The following MIS18BP1 variants were observed in gnomAD, a reference collection of about 807,000 sequenced individuals.
MIS18BP1 encodes the protein mis18-binding protein 1.
Under a neutral mutation model 116.1 loss-of-function variants are expected in MIS18BP1, and 72 were observed. The observed-to-expected ratio is 0.62, with a 90% CI of 0.51 to 0.75. The LOEUF (loss-of-function observed/expected upper bound fraction) is 0.75. Among genes scored for constraint, MIS18BP1 ranks in the 30% least tolerant of loss-of-function variants. MIS18BP1 has a pLI of 0.00. For synonymous variants in MIS18BP1, 386 were observed against 427.0 expected, an observed-to-expected ratio of 0.90 and a Z score of 1.18; for missense variants, 1,363 against 1,303.2, an observed-to-expected ratio of 1.05 and a Z score of -0.71.
At chr14:45,212,029 G>C (rs887840121) in intron 13 of MIS18BP1, among the ~76,000 whole-genome samples, 1 of 152,120 alleles carries the variant, frequency 6.6e-6, no homozygotes, top group African/African-American at 2.4e-5. Flanking sequence ...TTAGCTGTTG[G>C]TGTCACCATT....
chr14:45,235,051 C>CA (rs1357659068), intron 6 of MIS18BP1, among the ~76,000 whole-genome samples: 2 of 151,892 alleles, frequency 1.3e-5, no homozygotes, highest in Non-Finnish European at 2.9e-5. Context: ...CACCCTGTCT[C>CA]AAAAATCAGC....
At chr14:45,233,184 G>A (rs945229768) in intron 6 of MIS18BP1, among the ~76,000 whole-genome samples, 5 of 152,126 alleles carry the variant, frequency 3.3e-5, no homozygotes, top group Non-Finnish European at 4.4e-5. Flanking sequence ...TGAACAAAGT[G>A]ATTGAGCTAT....
intron 7 of MIS18BP1, chr14:45,232,532 T>C (rs1228824698): frequency 1.9e-6 from 1 of 532,612 alleles, no homozygotes; most frequent in South Asian, 2.0e-5. Flanking sequence ...CAGTGGCTCA[T>C]GCCTGTAATC....
intron 2 of MIS18BP1, among the ~76,000 whole-genome samples, chr14:45,243,378 C>T (rs1891637401): frequency 6.6e-6 from 1 of 152,070 alleles, no homozygotes; most frequent in Non-Finnish European, 1.5e-5. Flanking sequence ...ATCCTTTAGA[C>T]AATTTTTAGT....
At chr14:45,241,922 T>A in intron 4 of MIS18BP1, 112 bp downstream of exon 4, 1 of 1,158,702 alleles carries the variant, frequency 8.6e-7, no homozygotes, top group Non-Finnish European at 1.2e-6. Flanking sequence ...TAATGAAGCA[T>A]ACAGGTTCAA....
In MIS18BP1 at chr14:45,246,911, T is replaced by C; in HGVS notation, c.376A>G (p.Lys126Glu). 1 of 1,607,868 alleles carries C rather than the reference T, an allele frequency of 6.2e-7. No homozygotes were observed. The highest frequency in any genetic ancestry group is 8.5e-7 in the Non-Finnish European group (1 of 1,178,656). The change falls in exon 2 of 17, where the codon AAG becomes GAG. Residue 126 changes from lysine (K) to glutamate (E), a missense_variant. Physicochemically the swap from Lys to Glu is moderately conservative, Grantham distance 56. Transcript: ENST00000310806. Reference protein sequence around the residue: ...LRMKEKVLRDKQEQPSRNSSL... With the variant: ...LRMKEKVLRDEQEQPSRNSSL... ...CTGTTTCTTGATGGCTGTTCTTGCT[T>C]GTCACGCAGTACTTTTTCTTTCATT...
rs374822790 is a variant in MIS18BP1 at position 45,242,823 on chromosome 14, G to A, written c.596C>T (p.Pro199Leu). Residue 199 changes from proline (P) to leucine (L), a missense_variant, in exon 3 of 17, where the codon CCG becomes CTG. Coordinates refer to ENST00000310806, the MANE Select transcript of MIS18BP1 (RefSeq NM_018353.5). Reference sequence around the variant, plus strand: ...CTGGCACTGAATCTTTTGTTTGACCGGGAGGAAAATATCATTATTTGATGA... The same window carrying A: ...CTGGCACTGAATCTTTTGTTTGACCAGGAGGAAAATATCATTATTTGATGA... ...LESSNNDIFL[P>L]VKQKIQCQQE... The A allele has an allele frequency of 2.0e-5, 33 of 1,613,230 alleles. No homozygotes were observed. The highest frequency in any genetic ancestry group is 4.4e-5 in the South Asian group (4 of 91,036).
At chr14:45,247,404 T>C (rs1891752974) in intron 1 of MIS18BP1, 27 bp from the exon 2 acceptor site, 1 of 774,888 alleles carries the variant, frequency 1.3e-6, no homozygotes, top group Non-Finnish European at 2.0e-6. Flanking sequence ...AATCAGCCTT[T>C]ATCATGCTTT....
chr14:45,236,996 C>A lies in MIS18BP1; in HGVS notation c.1217+652G>T, dbSNP rs564075822. Among the ~76,000 whole-genome samples the A allele has an allele frequency of 1.3e-5, 2 of 150,892 alleles. 1 individual carries two copies. Among genetic ancestry groups the A allele is most frequent in the African/African-American group, 4.9e-5 (2 of 40,978 alleles). ...TCACTTATAAACTTACATATGAGTA[C>A]CTTAAACAGTTATAACTTTTTTTTT... On this transcript the variant is annotated intron_variant, in intron 5 of 16. Transcript: ENST00000310806.
chr14:45,248,480 A>T (rs1264086834), intron 1 of MIS18BP1, among the ~76,000 whole-genome samples: 1 of 152,164 alleles, frequency 6.6e-6, no homozygotes, highest in Non-Finnish European at 1.5e-5. Flanking sequence ...AAACATTTCA[A>T]TCCAAGGAGC....
chr14:45,210,883 T>A (rs1297708801), intron 13 of MIS18BP1, among the ~76,000 whole-genome samples: 1 of 152,184 alleles, frequency 6.6e-6, no homozygotes, highest in Non-Finnish European at 1.5e-5. Flanking sequence ...ACCCTGGGTC[T>A]GGGGGGATAA....
chr14:45,242,767 T>C lies in MIS18BP1; in HGVS notation c.652A>G (p.Thr218Ala). Reference sequence around the variant, plus strand: ...CAAACCAAAAATAGTTTACCGTAAGTTAAATTGTGCAGTGGTGCTTTCTTT... The same window carrying C: ...CAAACCAAAAATAGTTTACCGTAAGCTAAATTGTGCAGTGGTGCTTTCTTT... Reference protein sequence around the residue: ...QEKKAPLHNLTYELPTLNQEQ... With the variant: ...QEKKAPLHNLAYELPTLNQEQ... The change falls in exon 3 of 17, where the codon ACT becomes GCT. Residue 218 changes from threonine (T) to alanine (A), a missense_variant. Physicochemically the swap from Thr to Ala is moderately conservative, Grantham distance 58. Coordinates refer to ENST00000310806, the MANE Select transcript of MIS18BP1 (RefSeq NM_018353.5). 3 of 1,602,402 alleles carry C rather than the reference T, an allele frequency of 1.9e-6. No individual in the cohort carries two copies. Among genetic ancestry groups the C allele is most frequent in the Non-Finnish European group, 2.6e-6 (3 of 1,175,634 alleles).
intron 7 of MIS18BP1, among the ~76,000 whole-genome samples, chr14:45,232,159 A>G (rs542851129): frequency 2.2e-4 from 34 of 152,172 alleles, no homozygotes; most frequent in East Asian, 5.8e-4. Context: ...TCTCACGCCT[A>G]TAATCCCAGC....
chr14:45,220,216 G>A (rs906738980), intron 11 of MIS18BP1, among the ~76,000 whole-genome samples: 1 of 151,912 alleles, frequency 6.6e-6, no homozygotes, highest in Non-Finnish European at 1.5e-5. Flanking sequence ...CCCTGACTCC[G>A]CCTCCTTAGT....
intron 1 of MIS18BP1, among the ~76,000 whole-genome samples, chr14:45,249,374 C>G (rs116439360): frequency 0.015 from 2,208 of 152,030 alleles, 56 homozygotes; most frequent in African/African-American, 0.051. Flanking sequence ...GCATGAGCCA[C>G]CTGAGTTATG....
intron 8 of MIS18BP1, among the ~76,000 whole-genome samples, chr14:45,229,898 A>G (rs1891228863): frequency 6.6e-6 from 1 of 152,204 alleles, no homozygotes; most frequent in Non-Finnish European, 1.5e-5. Context: ...TAAAAAGAGG[A>G]AGGGTTGAGA....
At chr14:45,233,141 A>C (rs1410578054) in intron 6 of MIS18BP1, among the ~76,000 whole-genome samples, 1 of 152,180 alleles carries the variant, frequency 6.6e-6, no homozygotes, top group Non-Finnish European at 1.5e-5. Flanking sequence ...AAAAAAGGAT[A>C]ATCAGGGAAG....
chr14:45,251,729 T>C (rs567095548), intron 1 of MIS18BP1, among the ~76,000 whole-genome samples: 1 of 152,084 alleles, frequency 6.6e-6, no homozygotes, highest in African/African-American at 2.4e-5. Context: ...CAGAAAATGG[T>C]CATGGGACAT....
At chr14:45,234,287 T>G (rs1410877954) in intron 6 of MIS18BP1, among the ~76,000 whole-genome samples, 2 of 150,784 alleles carry the variant, frequency 1.3e-5, no homozygotes, top group Non-Finnish European at 3.0e-5. Flanking sequence ...ACAAACTATA[T>G]GAATTGTTTT....
Sources: gnomAD v4.1 joint callset for allele counts (sites outside exome capture counted in the v4.1 genomes callset) on GRCh38, gnomAD v4.1.1 for gene constraint, MANE v1.5 for transcripts, NCBI Gene and HGNC (gene_info 2026-07-23, HGNC 2026-07-21) for gene names.